RNLS: variants seen among roughly 807,000 people sequenced by gnomAD.
RNLS encodes renalase.
In RNLS, 39 loss-of-function variants were observed where a neutral mutation model predicts 39.8. The ratio of observed to expected loss-of-function variants is 0.98; its 90% CI spans 0.76 to 1.28. RNLS has a LOEUF of 1.28. Ranked by LOEUF, RNLS falls within the 50% of genes most tolerant of loss-of-function variation. The pLI, the probability that RNLS is intolerant of heterozygous loss-of-function variation, is 0.00. For missense variants in RNLS, 410 were observed against 413.3 expected, an observed-to-expected ratio of 0.99 and a Z score of 0.07; for synonymous variants, 147 against 150.7, an observed-to-expected ratio of 0.98 and a Z score of 0.18.
chr10:88,203,502 A>G, the RNLS span, among the ~76,000 whole-genome samples: 1 of 142,510 alleles, frequency 7.0e-6, no homozygotes, highest in Non-Finnish European at 1.5e-5. Context: ...ATTTCAAGAG[A>G]GAAACTCCTA....
Position 88,362,736 on chromosome 10 carries a change from AAAAAT to A in RNLS, c.527-16_527-12del. 2 of 1,605,812 alleles carry A rather than the reference AAAAAT, an allele frequency of 1.2e-6. No individual in the cohort carries two copies. The highest frequency in any genetic ancestry group is 1.7e-6 in the Non-Finnish European group (2 of 1,176,920). ...GGCATTCACTAATTACTGTGGAAGA[AAAAAT>A]AAAAGGCATCAAACTTAAAAATACC... is the stretch of plus-strand genomic sequence containing the variant. On this transcript the variant is annotated splice_polypyrimidine_tract_variant and intron_variant, in intron 4 of 6. Coordinates refer to ENST00000331772, the MANE Select transcript of RNLS (RefSeq NM_001031709.3).
At chr10:88,468,499 T>A (rs1033943273) in intron 4 of RNLS, among the ~76,000 whole-genome samples, 2 of 152,162 alleles carry the variant, frequency 1.3e-5, no homozygotes, top group African/African-American at 4.8e-5. Flanking sequence ...GCATCTAGAC[T>A]AATACAACTA....
At chr10:88,341,837 A>G (rs1004332719) in intron 5 of RNLS, among the ~76,000 whole-genome samples, 8 of 152,156 alleles carry the variant, frequency 5.3e-5, no homozygotes, top group Non-Finnish European at 1.0e-4. Context: ...CCTATTTCAT[A>G]CTAATCTGTG....
At chr10:88,542,250 A>G (rs914672026) in intron 4 of RNLS, among the ~76,000 whole-genome samples, 6 of 152,078 alleles carry the variant, frequency 3.9e-5, no homozygotes, top group Admixed American at 1.3e-4. Context: ...AAGCATGATT[A>G]CTCCATGCTG....
Position 88,380,991 on chromosome 10 carries a change from T to TAA in RNLS, c.527-18268_527-18267dup, listed in dbSNP as rs1019640097. On this transcript the variant is annotated intron_variant, in intron 4 of 6. Coordinates refer to ENST00000331772, the MANE Select transcript of RNLS (RefSeq NM_001031709.3). ...TTCTAGACTGTCTATTCTGAACCAT[T>TAA]AAACTGTTTGATCATTACTACAAAA... 3.4e-4 allele frequency among the ~76,000 whole-genome samples: 52 copies of TAA among 152,334 alleles called. 2 individuals carry two copies. The highest frequency in any genetic ancestry group is 1.2e-3 in the African/African-American group (48 of 41,582).
intron 5 of RNLS, among the ~76,000 whole-genome samples, chr10:88,316,851 CTG>C (rs1482213851): frequency 2.0e-5 from 3 of 152,122 alleles, no homozygotes; most frequent in Non-Finnish European, 4.4e-5. Flanking sequence ...ATAGCTATGA[CTG>C]AAAACAGTAA....
At chr10:88,232,971 A>G in the RNLS span, among the ~76,000 whole-genome samples, 1 of 152,202 alleles carries the variant, frequency 6.6e-6, no homozygotes, top group Non-Finnish European at 1.5e-5. Flanking sequence ...TGTTACTCTC[A>G]ACTCACCCGT....
At chr10:88,564,599 T>TA (rs1443869152) in intron 4 of RNLS, among the ~76,000 whole-genome samples, 4 of 152,068 alleles carry the variant, frequency 2.6e-5, no homozygotes, top group African/African-American at 9.7e-5. Context: ...TGGTTAAGAG[T>TA]ACAAGCTCTG....
chr10:88,207,457 A>T, the RNLS span, among the ~76,000 whole-genome samples: 1 of 152,302 alleles, frequency 6.6e-6, no homozygotes, highest in East Asian at 1.9e-4. Context: ...AGGGGAATGC[A>T]AATTAAAACC....
At chr10:88,509,908 T>C (rs895935088) in intron 4 of RNLS, among the ~76,000 whole-genome samples, 2 of 152,178 alleles carry the variant, frequency 1.3e-5, no homozygotes, top group Non-Finnish European at 2.9e-5. Context: ...TGGAACAATA[T>C]AGGACTGTTT....
At chr10:88,534,874 G>T (rs774199118) in intron 4 of RNLS, among the ~76,000 whole-genome samples, 2 of 152,130 alleles carry the variant, frequency 1.3e-5, no homozygotes, top group Non-Finnish European at 2.9e-5. Flanking sequence ...TCAGGTATCA[G>T]CTGGGTTCAA....
chr10:88,460,997 T>C (rs1842907480), intron 4 of RNLS, among the ~76,000 whole-genome samples: 1 of 152,098 alleles, frequency 6.6e-6, no homozygotes, highest in South Asian at 2.1e-4. Context: ...GGTGACACCC[T>C]GTGTCTGTGG....
At chr10:88,400,055 C>T (rs1852816714) in intron 4 of RNLS, among the ~76,000 whole-genome samples, 1 of 151,950 alleles carries the variant, frequency 6.6e-6, no homozygotes, top group African/African-American at 2.4e-5. Flanking sequence ...CTTTCTTTGC[C>T]ACTCTCTTAT....
At chr10:88,443,381 A>G (rs1400378347) in intron 4 of RNLS, among the ~76,000 whole-genome samples, 3 of 152,192 alleles carry the variant, frequency 2.0e-5, no homozygotes, top group African/African-American at 2.4e-5. Context: ...TACAGCTCCC[A>G]GCGTGAGCGA....
chr10:88,391,356 G>A (rs1564760200), intron 4 of RNLS, among the ~76,000 whole-genome samples: 2 of 152,224 alleles, frequency 1.3e-5, no homozygotes, highest in Admixed American at 6.5e-5. Flanking sequence ...TCAAGAGGCC[G>A]AGACCATCCT....
rs889535387 is a variant in RNLS, at chr10:88,583,313, G to C, written c.-123C>G. 34 of 1,443,224 alleles carry C rather than the reference G, an allele frequency of 2.4e-5. No individual in the cohort carries two copies. The highest frequency in any genetic ancestry group is 3.1e-5 in the Non-Finnish European group (34 of 1,104,340). The allele number at this position is 1,443,224 out of a possible 1,614,324, so 89.4% of individuals were successfully genotyped here. ...GTTCCGTGCTCCCTGGGCCGACCTG[G>C]GCCCTGAGCTTTCCTCCGGCCGGCC... On this transcript the variant is annotated 5_prime_UTR_variant, in exon 1 of 7. Coordinates refer to ENST00000331772, the MANE Select transcript of RNLS (RefSeq NM_001031709.3).
the RNLS span, among the ~76,000 whole-genome samples, chr10:88,250,640 G>T: frequency 2.0e-5 from 3 of 152,112 alleles, no homozygotes. Context: ...TTTATTTCCT[G>T]ATTTTTAAGT....
At chr10:88,187,198 T>TATATATATTATATATATA in the RNLS span, among the ~76,000 whole-genome samples, 9 of 13,804 alleles carry the variant, frequency 6.5e-4, no homozygotes, top group Non-Finnish European at 4.1e-4. Context: ...ATATATATAA[T>TATATATATTATATATATA]ATATATATAA....
the RNLS span, among the ~76,000 whole-genome samples, chr10:88,220,021 C>T: frequency 6.6e-6 from 1 of 152,160 alleles, no homozygotes; most frequent in East Asian, 1.9e-4. Context: ...CTACTCCCTT[C>T]CCACTGAACA....
Sources: gnomAD v4.1 joint callset for allele counts (sites outside exome capture counted in the v4.1 genomes callset) on GRCh38, gnomAD v4.1.1 for gene constraint, MANE v1.5 for transcripts, NCBI Gene and HGNC (gene_info 2026-07-23, HGNC 2026-07-21) for gene names.